KAT2B: variants seen among roughly 807,000 people sequenced by gnomAD.
KAT2B encodes the protein histone acetyltransferase KAT2B.
Under a neutral mutation model 105.9 loss-of-function variants are expected in KAT2B, and 36 were observed. That is an observed-to-expected ratio of 0.34 (90% CI 0.26 to 0.45). The LOEUF is 0.45. Among genes scored for constraint, KAT2B ranks in the 20% least tolerant of loss-of-function variants. The pLI, the probability that KAT2B is intolerant of heterozygous loss-of-function variation, is 1.00. For synonymous variants in KAT2B, 397 were observed against 377.9 expected, an observed-to-expected ratio of 1.05 and a Z score of -0.59; for missense variants, 820 against 1,021.6, an observed-to-expected ratio of 0.80 and a Z score of 2.69.
chr3:20,134,189 T>G (rs1051607322), intron 11 of KAT2B, among the ~76,000 whole-genome samples: 10 of 152,320 alleles, frequency 6.6e-5, no homozygotes, highest in African/African-American at 2.2e-4. Flanking sequence ...TATCCCTAAG[T>G]TATATGCCCA....
At chr3:20,118,748 G>A (rs113051421) in intron 7 of KAT2B, among the ~76,000 whole-genome samples, 7,686 of 74,098 alleles carry the variant, frequency 0.1, 359 homozygotes, top group Non-Finnish European at 0.14. Context: ...AAAAAAAAAA[G>A]AGAGAGAGCG....
intron 13 of KAT2B, among the ~76,000 whole-genome samples, chr3:20,144,479 A>C (rs957356239): frequency 7.9e-5 from 12 of 151,126 alleles, no homozygotes; most frequent in South Asian, 2.1e-4. Context: ...TTAGTAGAGA[A>C]GGGGTTTCAC....
In KAT2B at chr3:20,120,466, A is replaced by C. The variant is rs566421672; in HGVS notation, c.1276+743A>C. 2.0e-5 allele frequency among the ~76,000 whole-genome samples: 3 copies of C among 152,078 alleles called. No individual in the cohort carries two copies. In the East Asian group the frequency reaches 5.8e-4, roughly 29 times the overall value. ...TGGTCTCAAACTCCTGACCTCAGGT[A>C]ATCTACCTGTCTCGGCCTCCCAAAG... On this transcript the variant is annotated intron_variant, in intron 8 of 17. Coordinates refer to ENST00000263754, the MANE Select transcript of KAT2B (RefSeq NM_003884.5).
At chr3:20,111,496 T>C (rs1323228845) in intron 5 of KAT2B, 100 bp from the exon 6 acceptor site, 1 of 988,656 alleles carries the variant, frequency 1.0e-6, no homozygotes, top group African/African-American at 1.7e-5. Flanking sequence ...GCCTAGTTTT[T>C]TTCTGCTATA....
At chr3:20,071,040 C>A (rs1698313405) in intron 1 of KAT2B, among the ~76,000 whole-genome samples, 1 of 150,728 alleles carries the variant, frequency 6.6e-6, no homozygotes, top group Non-Finnish European at 1.5e-5. Context: ...GTTTGGATAA[C>A]TGTATTACAA....
chr3:20,146,751 G>A lies in KAT2B; in HGVS notation c.2119+321G>A, dbSNP rs542154515. On this transcript the variant is annotated intron_variant, in intron 14 of 17. Coordinates refer to ENST00000263754, the MANE Select transcript of KAT2B (RefSeq NM_003884.5). ...GCAGGGAATCCTATTTTATAAATGGGGAAATCGAGTTCCAAAGCAGTTAGA... is the reference window on the plus strand; with the variant it reads ...GCAGGGAATCCTATTTTATAAATGGAGAAATCGAGTTCCAAAGCAGTTAGA... Among the ~76,000 whole-genome samples the A allele has an allele frequency of 2.3e-4, 35 of 152,230 alleles. No homozygotes were observed. In the South Asian group the frequency reaches 6.4e-3, roughly 28 times the overall value.
chr3:20,080,320 C>T (rs1373785114), intron 2 of KAT2B, among the ~76,000 whole-genome samples: 1 of 152,184 alleles, frequency 6.6e-6, no homozygotes, highest in Non-Finnish European at 1.5e-5. Context: ...AACTTTCTCC[C>T]ACCTCTGCCT....
Position 20,089,961 on chromosome 3 carries a change from A to G in KAT2B, c.431-5302A>G, listed in dbSNP as rs115880518. Among the ~76,000 whole-genome samples, 1,342 of 152,018 alleles carry G rather than the reference A, an allele frequency of 8.8e-3. 9 individuals are homozygous for G. The highest frequency in any genetic ancestry group is 0.044 in the Middle Eastern group (13 of 294). On this transcript the variant is annotated intron_variant, in intron 2 of 17. Coordinates refer to ENST00000263754, the MANE Select transcript of KAT2B (RefSeq NM_003884.5). ...TTGAGAAGAACAGCTTGGACAACAT[A>G]GTGAGAAGCCATCTCTATTAAAAAA... is the stretch of plus-strand genomic sequence containing the variant.
chr3:20,127,317 A>G, intron 10 of KAT2B, 106 bp from the exon 11 acceptor site: 1 of 1,006,180 alleles, frequency 9.9e-7, no homozygotes, highest in East Asian at 2.4e-5. Context: ...TTCTATAGAA[A>G]CTTAGGACAT....
intron 1 of KAT2B, among the ~76,000 whole-genome samples, chr3:20,064,976 G>T (rs1239291124): frequency 6.6e-6 from 1 of 152,126 alleles, no homozygotes; most frequent in Non-Finnish European, 1.5e-5. Context: ...TTAACACTGC[G>T]TGAACTGTGA....
At chr3:20,135,344 T>C (rs1699581828) in intron 11 of KAT2B, among the ~76,000 whole-genome samples, 1 of 152,004 alleles carries the variant, frequency 6.6e-6, no homozygotes, top group Non-Finnish European at 1.5e-5. Flanking sequence ...ATTGTTATAT[T>C]AGAAAAAACT....
intron 11 of KAT2B, among the ~76,000 whole-genome samples, chr3:20,134,512 C>T (rs1047227637): frequency 1.3e-5 from 2 of 152,146 alleles, no homozygotes; most frequent in South Asian, 2.1e-4. Flanking sequence ...TGGTTCATGC[C>T]GTTCTCCTGC....
At chr3:20,080,848 G>T (rs1337812708) in intron 2 of KAT2B, among the ~76,000 whole-genome samples, 1 of 152,112 alleles carries the variant, frequency 6.6e-6, no homozygotes, top group Admixed American at 6.6e-5. Flanking sequence ...ATAATACTTT[G>T]GTATATATTA....
intron 11 of KAT2B, among the ~76,000 whole-genome samples, chr3:20,129,375 C>CT (rs537697916): frequency 0.19 from 26,333 of 136,206 alleles, 3,535 homozygotes; most frequent in East Asian, 0.43. Context: ...TCTGTACTGT[C>CT]TTTTTTTTTT....
intron 1 of KAT2B, among the ~76,000 whole-genome samples, chr3:20,048,789 G>T (rs946156875): frequency 3.9e-5 from 6 of 152,166 alleles, no homozygotes; most frequent in Non-Finnish European, 5.9e-5. Flanking sequence ...ATTAGAACAG[G>T]CACATTGGCT....
chr3:20,070,107 T>G (rs1417793732), intron 1 of KAT2B, among the ~76,000 whole-genome samples: 1 of 152,060 alleles, frequency 6.6e-6, no homozygotes, highest in Non-Finnish European at 1.5e-5. Flanking sequence ...CACTGGGGGA[T>G]GTAGCTATGG....
At chr3:20,109,663 A>G (rs907530392) in intron 5 of KAT2B, among the ~76,000 whole-genome samples, 1 of 152,152 alleles carries the variant, frequency 6.6e-6, no homozygotes, top group African/African-American at 2.4e-5. Flanking sequence ...ACAGACTAAC[A>G]TCTAGCAAAC....
At chr3:20,065,135 G>A (rs953948294) in intron 1 of KAT2B, among the ~76,000 whole-genome samples, 1 of 152,176 alleles carries the variant, frequency 6.6e-6, no homozygotes, top group African/African-American at 2.4e-5. Context: ...CTGTTGGGAT[G>A]AAAACATTAT....
chr3:20,097,575 C>T (rs1176741644), intron 3 of KAT2B, among the ~76,000 whole-genome samples: 1 of 152,144 alleles, frequency 6.6e-6, no homozygotes, highest in East Asian at 1.9e-4. Flanking sequence ...CTTACTCTGT[C>T]ATCCAGGCTA....
Sources: allele counts gnomAD v4.1 joint callset (sites outside exome capture counted in the v4.1 genomes callset), GRCh38; gene constraint gnomAD v4.1.1; transcripts MANE v1.5; gene names NCBI Gene and HGNC (gene_info 2026-07-23, HGNC 2026-07-21).